Variants in GFRAL observed in about 807,000 individuals in gnomAD.
GFRAL encodes GDNF family receptor alpha-like.
A neutral mutation model predicts 45.4 loss-of-function variants in GFRAL; 36 were observed. The observed-to-expected ratio is 0.79, with a 90% CI of 0.61 to 1.05. The LOEUF (loss-of-function observed/expected upper bound fraction) is 1.05, where lower values mean the gene tolerates loss of function less well. Among genes scored for constraint, GFRAL ranks in the 50% least tolerant of loss-of-function variants. The pLI, the probability that GFRAL is intolerant of heterozygous loss-of-function variation, is 0.00. For missense variants in GFRAL, 507 were observed against 467.5 expected (o/e 1.08, Z -0.78); for synonymous variants, 166 against 154.1 (o/e 1.08, Z -0.57).
At chr6:55,384,740 A>C (rs1177486916) in intron 6 of GFRAL, among the ~76,000 whole-genome samples, 2 of 152,066 alleles carry the variant, frequency 1.3e-5, no homozygotes, top group African/African-American at 4.8e-5. Flanking sequence ...TATTTTCCAC[A>C]GTAACTTTTG....
chr6:55,349,138 A>G (rs1768083117), intron 3 of GFRAL, among the ~76,000 whole-genome samples: 1 of 152,048 alleles, frequency 6.6e-6, no homozygotes, highest in Non-Finnish European at 1.5e-5. Flanking sequence ...AAAACAATGC[A>G]TAATGAGAAT....
intron 6 of GFRAL, among the ~76,000 whole-genome samples, chr6:55,376,945 G>T (rs1768542774): frequency 6.6e-6 from 1 of 151,850 alleles, no homozygotes; most frequent in East Asian, 1.9e-4. Context: ...CAAGTAGTCG[G>T]CTTTTTCAAT....
chr6:55,354,542 T>A (rs1420334724), intron 5 of GFRAL, among the ~76,000 whole-genome samples: 1 of 152,080 alleles, frequency 6.6e-6, no homozygotes, highest in Non-Finnish European at 1.5e-5. Context: ...AAATAGTCCC[T>A]TAATCAGTAC....
chr6:55,344,995 G>A (rs1314018044), intron 3 of GFRAL, among the ~76,000 whole-genome samples: 2 of 152,166 alleles, frequency 1.3e-5, no homozygotes, highest in Non-Finnish European at 2.9e-5. Flanking sequence ...GGATGTGAAG[G>A]ACCTCTTCAA....
At chr6:55,367,860 T>C (rs560374291) in intron 6 of GFRAL, among the ~76,000 whole-genome samples, 4 of 151,934 alleles carry the variant, frequency 2.6e-5, no homozygotes, top group Admixed American at 1.3e-4. Context: ...CCTTTCTCTC[T>C]GGCTGCCCTT....
intron 3 of GFRAL, among the ~76,000 whole-genome samples, chr6:55,349,171 T>C (rs1413885325): frequency 6.6e-6 from 1 of 151,988 alleles, no homozygotes; most frequent in Non-Finnish European, 1.5e-5. Context: ...ATAAGGAGTC[T>C]GGAAGGCCAT....
chr6:55,351,995 C>A (rs1157332677), intron 5 of GFRAL, among the ~76,000 whole-genome samples: 2 of 151,836 alleles, frequency 1.3e-5, no homozygotes, highest in African/African-American at 2.4e-5. Flanking sequence ...TAAATTCTTT[C>A]TGTCTTAGGC....
chr6:55,379,868 T>A (rs796497196), intron 6 of GFRAL, among the ~76,000 whole-genome samples: 1 of 152,000 alleles, frequency 6.6e-6, no homozygotes, highest in Non-Finnish European at 1.5e-5. Flanking sequence ...GAGATCAACA[T>A]TTTTAGATTC....
At chr6:55,399,493 T>C (rs760441499) in intron 8 of GFRAL, 52 bp downstream of exon 8, 4 of 1,122,800 alleles carry the variant, frequency 3.6e-6, no homozygotes, top group Admixed American at 3.4e-5. Flanking sequence ...CACTTAGCTG[T>C]GTTAAAGCAT....
intron 6 of GFRAL, among the ~76,000 whole-genome samples, chr6:55,367,005 T>C (rs1263883011): frequency 2.2e-5 from 1 of 45,354 alleles, no homozygotes; most frequent in African/African-American, 1.4e-4. Context: ...TTGTTGACTT[T>C]CTGTCTCGTT....
In GFRAL at chr6:55,402,107, A is replaced by C; in HGVS notation, c.*254A>C. The C allele has an allele frequency of 3.3e-6, 1 of 307,278 alleles. No homozygotes were observed. Among genetic ancestry groups the C allele is most frequent in the Non-Finnish European group, 5.9e-6 (1 of 169,006 alleles). The allele number at this position is 307,278 out of a possible 1,614,324, so 19.0% of individuals were successfully genotyped here. On this transcript the variant is annotated 3_prime_UTR_variant, in exon 9 of 9. Transcript: ENST00000340465. The stretch of plus-strand genomic sequence containing the variant: ...TTTTCCTGCCTCAGCCTTCCCGAGT[A>C]GCTGGGATTACAGGTACCCGCCACC...
intron 5 of GFRAL, among the ~76,000 whole-genome samples, chr6:55,358,037 A>C (rs139097595): frequency 1.2e-3 from 189 of 151,926 alleles, no homozygotes; most frequent in Non-Finnish European, 2.1e-3. Context: ...AATATACATG[A>C]ATTAATCTTC....
intron 5 of GFRAL, among the ~76,000 whole-genome samples, chr6:55,355,813 A>C (rs1194558405): frequency 6.6e-6 from 1 of 151,892 alleles, no homozygotes; most frequent in Admixed American, 6.6e-5. Context: ...CATAGAGGAA[A>C]AGCTTTCAGT....
intron 3 of GFRAL, among the ~76,000 whole-genome samples, chr6:55,346,978 G>A (rs1768052156): frequency 6.6e-6 from 1 of 151,966 alleles, no homozygotes; most frequent in African/African-American, 2.4e-5. Context: ...TAGTTAAGTT[G>A]ATAGTGTGAC....
intron 1 of GFRAL, among the ~76,000 whole-genome samples, chr6:55,331,245 T>A (rs1335369519): frequency 6.6e-6 from 1 of 152,124 alleles, no homozygotes; most frequent in Non-Finnish European, 1.5e-5. Context: ...ACTAGAAGAA[T>A]AAAATGATCC....
intron 6 of GFRAL, among the ~76,000 whole-genome samples, chr6:55,384,561 G>C (rs1292939330): frequency 6.6e-6 from 1 of 152,042 alleles, no homozygotes; most frequent in African/African-American, 2.4e-5. Flanking sequence ...TTGATTTTCA[G>C]CATCAAGCAC....
intron 6 of GFRAL, among the ~76,000 whole-genome samples, chr6:55,396,552 C>A (rs1561868882): frequency 6.6e-6 from 1 of 150,788 alleles, no homozygotes; most frequent in East Asian, 1.9e-4. Context: ...CCAGCTACAG[C>A]TTTTTTTTAA....
At chr6:55,364,352 G>A (rs1215175882) in intron 6 of GFRAL, among the ~76,000 whole-genome samples, 3 of 149,992 alleles carry the variant, frequency 2.0e-5, no homozygotes, top group Non-Finnish European at 3.0e-5. Flanking sequence ...TTTGTCGGAT[G>A]AGTAGGTTGC....
chr6:55,343,322 A>C (rs531110703), intron 3 of GFRAL, among the ~76,000 whole-genome samples: 10 of 152,298 alleles, frequency 6.6e-5, no homozygotes, highest in African/African-American at 2.4e-4. Context: ...ATTATAACAA[A>C]CTGTCTCTCA....
Sources: gnomAD v4.1 joint callset for allele counts (sites outside exome capture counted in the v4.1 genomes callset) on GRCh38, gnomAD v4.1.1 for gene constraint, MANE v1.5 for transcripts, NCBI Gene and HGNC (gene_info 2026-07-23, HGNC 2026-07-21) for gene names.